The following ARID4A variants were observed in gnomAD, a reference collection of about 807,000 sequenced individuals.
ARID4A encodes the protein AT-rich interactive domain-containing protein 4A.
ARID4A carries 39 observed loss-of-function variants against 148.6 expected under a neutral mutation model. The observed-to-expected ratio is 0.26, with a 90% CI of 0.20 to 0.34. The LOEUF (loss-of-function observed/expected upper bound fraction) is 0.34, where lower values mean the gene tolerates loss of function less well. ARID4A is among the 10% of genes least tolerant of loss of function. The pLI is 1.00. For synonymous variants in ARID4A, 475 were observed against 481.2 expected (o/e 0.99, Z 0.17); for missense variants, 1,265 against 1,449.1 (o/e 0.87, Z 2.06).
chr14:58,347,490 T>C (rs1214589622), intron 14 of ARID4A, among the ~76,000 whole-genome samples, 157 bp from the exon 15 acceptor site: 1 of 152,212 alleles, frequency 6.6e-6, no homozygotes, highest in Non-Finnish European at 1.5e-5. Context: ...CTGTTTATGA[T>C]TCTATCTAAA....
intron 7 of ARID4A, among the ~76,000 whole-genome samples, chr14:58,322,048 G>A (rs2032924596): frequency 6.6e-6 from 1 of 151,796 alleles, no homozygotes; most frequent in African/African-American, 2.4e-5. Context: ...TTGGCTCACT[G>A]CAACCTCTGC....
chr14:58,347,516 T>G, intron 14 of ARID4A, 131 bp from the exon 15 acceptor site: 3 of 642,084 alleles, frequency 4.7e-6, no homozygotes, highest in Non-Finnish European at 7.6e-6. Flanking sequence ...AAGAAAATAG[T>G]AACACAGAAA....
At chr14:58,345,792 G>A (rs903530904) in intron 12 of ARID4A, among the ~76,000 whole-genome samples, 7 of 142,590 alleles carry the variant, frequency 4.9e-5, no homozygotes, top group Admixed American at 1.5e-4. Context: ...GTGCGGTGGC[G>A]TGAACATGGC....
intron 23 of ARID4A, 39 bp downstream of exon 23, chr14:58,367,068 A>G: frequency 1.5e-6 from 2 of 1,343,376 alleles, no homozygotes; most frequent in Non-Finnish European, 2.0e-6. Flanking sequence ...ATATTTCAAA[A>G]CTATATCCTA....
intron 2 of ARID4A, among the ~76,000 whole-genome samples, chr14:58,300,447 T>C (rs915610967): frequency 6.6e-6 from 1 of 152,346 alleles, no homozygotes; most frequent in East Asian, 1.9e-4. Context: ...GGATCTCATA[T>C]AGCGTTCTTG....
At chr14:58,317,693 G>A (rs186686633) in intron 5 of ARID4A, among the ~76,000 whole-genome samples, 101 of 122,224 alleles carry the variant, frequency 8.3e-4, no homozygotes, top group African/African-American at 3.1e-3. Flanking sequence ...CACAATCATG[G>A]CTCACTAACC....
intron 19 of ARID4A, among the ~76,000 whole-genome samples, chr14:58,363,244 A>G (rs1000603455): frequency 2.6e-5 from 4 of 152,224 alleles, no homozygotes; most frequent in Admixed American, 2.6e-4. Flanking sequence ...TGAGGATTTG[A>G]GCACCATGTG....
In ARID4A at chr14:58,311,176, G is replaced by A. The variant is rs537558893; in HGVS notation, c.274+5064G>A. ...CAGGAGAAATGCTTGAACCCTGGAG[G>A]CGGAGGCTGCAGTGAGCCAAGATCA... On this transcript the variant is annotated intron_variant, in intron 5 of 23. Transcript: ENST00000355431. Among the ~76,000 whole-genome samples the A allele has an allele frequency of 4.6e-5, 7 of 152,226 alleles. No homozygotes were observed. The East Asian group carries it at 1.4e-3, about 29-fold the overall frequency.
Position 58,323,407 on chromosome 14 carries a change from G to A in ARID4A, c.450-78G>A, listed in dbSNP as rs1594895979. 45 of 1,492,980 alleles carry A rather than the reference G, an allele frequency of 3.0e-5. No homozygotes were observed. The East Asian group carries it at 1.0e-3, about 35-fold the overall frequency. The allele number at this position is 1,492,980 out of a possible 1,614,324, so 92.5% of individuals were successfully genotyped here. A position where few individuals can be genotyped will look rare whatever the true frequency, so the allele number is the denominator to read the frequency against. Reference sequence around the variant, plus strand: ...GGTGTAGTCCATTAGAAATTGAATTGACTATATTAAATTCACAATACTCTG... The same window carrying A: ...GGTGTAGTCCATTAGAAATTGAATTAACTATATTAAATTCACAATACTCTG... On this transcript the variant is annotated intron_variant, in intron 7 of 23. Transcript: ENST00000355431.
In ARID4A at chr14:58,304,956, C is replaced by T; in HGVS notation, c.130C>T (p.Gln44Ter). Residue 44 changes from glutamine to a stop codon, truncating the protein, a stop_gained, in exon 4 of 24, where the codon CAG becomes TAG. Transcript: ENST00000355431. LOFTEE classifies it high-confidence loss of function. ...AAATGTTTTTCAGGTACTCCTGAAA[C>T]AGGATAATACCACACAATTGGTACA... Reference protein sequence around the residue: ...RLVKVKVLLKQDNTTQLVQDD... With the variant: ...RLVKVKVLLK 1 of 1,607,662 alleles carries T rather than the reference C, an allele frequency of 6.2e-7. No homozygotes were observed. The highest frequency in any genetic ancestry group is 8.5e-7 in the Non-Finnish European group (1 of 1,177,794).
rs542916436 is a variant in ARID4A, at chr14:58,337,068, T to C, written c.906+6899T>C. On this transcript the variant is annotated intron_variant, in intron 11 of 23. Coordinates refer to ENST00000355431, the MANE Select transcript of ARID4A (RefSeq NM_002892.4). ...CACCATGCCCAGCTAATTTTTGTGC[T>C]TTTAGTAGGGACGAGGTTTCACCAT... is the stretch of plus-strand genomic sequence containing the variant. 2.3e-4 allele frequency among the ~76,000 whole-genome samples: 35 copies of C among 150,726 alleles called. No homozygotes were observed. The South Asian group carries it at 7.1e-3, about 31-fold the overall frequency.
At chr14:58,335,574 A>G (rs1175949128) in intron 11 of ARID4A, among the ~76,000 whole-genome samples, 4 of 151,964 alleles carry the variant, frequency 2.6e-5, no homozygotes, top group African/African-American at 7.3e-5. Context: ...CAGCCTCCCA[A>G]AGTGCTGGGA....
Position 58,371,952 on chromosome 14 carries a change from C to T in ARID4A, c.3737C>T (p.Ser1246Phe). Residue 1246 changes from serine to phenylalanine, a missense_variant, in exon 24 of 24, where the codon TCT becomes TTT. Physicochemically the swap from Ser to Phe is radical, Grantham distance 155 (BLOSUM62 -2). Around this residue, in one of 9 missense-constraint regions of ARID4A, gnomAD observed 666 missense variants for 730.9 expected, o/e 0.91. Coordinates refer to ENST00000355431, the MANE Select transcript of ARID4A (RefSeq NM_002892.4). ...ACTGGAATGAGTCCCTCATCATCAT[C>T]TCCCCCACAAAATGTACTTGCTGTA... ...SDTGMSPSSS[S>F]PPQNVLAVEC... 1 of 1,612,170 alleles carries T rather than the reference C, an allele frequency of 6.2e-7. No individual in the cohort carries two copies. Among genetic ancestry groups the T allele is most frequent in the Non-Finnish European group, 8.5e-7 (1 of 1,178,274 alleles).
At chr14:58,321,982 T>C (rs936105576) in intron 7 of ARID4A, among the ~76,000 whole-genome samples, 1 of 152,004 alleles carries the variant, frequency 6.6e-6, no homozygotes, top group Non-Finnish European at 1.5e-5. Context: ...TGTTTGTTTG[T>C]TTTTTTGAGA....
chr14:58,301,055 G>A (rs974656294), intron 2 of ARID4A, among the ~76,000 whole-genome samples: 1 of 152,192 alleles, frequency 6.6e-6, no homozygotes, highest in Non-Finnish European at 1.5e-5. Context: ...GCTGAATTCA[G>A]ACTTAAAACC....
intron 5 of ARID4A, among the ~76,000 whole-genome samples, chr14:58,312,786 A>G (rs1346181859): frequency 6.6e-6 from 1 of 152,000 alleles, no homozygotes; most frequent in African/African-American, 2.4e-5. Flanking sequence ...TAACTTTCTG[A>G]TTCTGTTTCT....
chr14:58,371,106 G>T (rs1566731712), intron 23 of ARID4A, among the ~76,000 whole-genome samples: 1 of 152,062 alleles, frequency 6.6e-6, no homozygotes, highest in African/African-American at 2.4e-5. Flanking sequence ...CCTGGGCAAC[G>T]TAGTGAAATC....
At chr14:58,317,311 G>T (rs1301863918) in intron 5 of ARID4A, among the ~76,000 whole-genome samples, 2 of 144,114 alleles carry the variant, frequency 1.4e-5, no homozygotes, top group Non-Finnish European at 3.0e-5. Context: ...TTGGGACGGA[G>T]TCTTGCTCTG....
intron 5 of ARID4A, among the ~76,000 whole-genome samples, chr14:58,312,901 GATAAA>G (rs2032148468): frequency 6.6e-6 from 1 of 152,158 alleles, no homozygotes. Flanking sequence ...TTTATAGACA[GATAAA>G]ATTAATTTAC....
Sources: allele counts gnomAD v4.1 joint callset (sites outside exome capture counted in the v4.1 genomes callset), GRCh38; gene constraint gnomAD v4.1.1; regional missense constraint gnomAD v4.1.1; transcripts MANE v1.5; gene names NCBI Gene and HGNC (gene_info 2026-07-23, HGNC 2026-07-21).